Variants in ANKRD18B observed in about 807,000 individuals in gnomAD.
ANKRD18B encodes ankyrin repeat domain-containing protein 18B.
ANKRD18B carries 75 observed loss-of-function variants against 111.8 expected under a neutral mutation model. The ratio of observed to expected loss-of-function variants is 0.67; its 90% CI spans 0.56 to 0.81. The LOEUF is 0.81. ANKRD18B is among the 40% of genes least tolerant of loss of function. ANKRD18B has a pLI of 0.00. For synonymous variants in ANKRD18B, 356 were observed against 417.3 expected, an observed-to-expected ratio of 0.85 and a Z score of 1.79; for missense variants, 1,038 against 1,225.5, an observed-to-expected ratio of 0.85 and a Z score of 2.28.
intron 7 of ANKRD18B, 29 bp downstream of exon 7, chr9:33,539,531 T>C (rs1828249564): frequency 6.5e-6 from 1 of 154,990 alleles, no homozygotes; most frequent in African/African-American, 2.4e-5. Context: ...CTTTGTAGAG[T>C]TTATGAGCAG....
intron 10 of ANKRD18B, among the ~76,000 whole-genome samples, chr9:33,544,403 C>T (rs1203857400): frequency 6.6e-6 from 1 of 151,782 alleles, no homozygotes; most frequent in Admixed American, 6.6e-5. Flanking sequence ...AAACATGCAC[C>T]CTGTCAGAAA....
chr9:33,553,825 C>T, intron 12 of ANKRD18B, among the ~76,000 whole-genome samples: 1 of 152,064 alleles, frequency 6.6e-6, no homozygotes, highest in East Asian at 1.9e-4. Context: ...CATCTGTAAT[C>T]CCAACACTTT....
rs779582327 is a variant in ANKRD18B at position 33,567,034 on chromosome 9, G to T, written c.2743-69G>T. 2.3e-4 allele frequency: 334 copies of T among 1,433,732 alleles called. 1 individual carries two copies. Among genetic ancestry groups the T allele is most frequent in the South Asian group, 1.7e-3 (118 of 70,250 alleles). The allele number at this position is 1,433,732 out of a possible 1,614,324, so 88.8% of individuals were successfully genotyped here. On this transcript the variant is annotated intron_variant, in intron 15 of 18. Coordinates refer to ENST00000684830, the MANE Select transcript of ANKRD18B (RefSeq NM_001393611.1). Reference sequence around the variant, plus strand: ...GCTCTTTGAATCACTGATTCAAAATGAAAGGCAACAAACATATGGTAATTA... The same window carrying T: ...GCTCTTTGAATCACTGATTCAAAATTAAAGGCAACAAACATATGGTAATTA...
chr9:33,557,978 A>G, intron 13 of ANKRD18B, 80 bp from the exon 14 acceptor site: 2 of 1,295,570 alleles, frequency 1.5e-6, no homozygotes, highest in South Asian at 3.0e-5. Context: ...TTGATATGCC[A>G]TAACATAGTA....
chr9:33,535,495 G>A (rs1355991489), intron 5 of ANKRD18B, among the ~76,000 whole-genome samples: 1 of 151,612 alleles, frequency 6.6e-6, no homozygotes. Flanking sequence ...CACCATGTTA[G>A]CCAGGATGGT....
intron 13 of ANKRD18B, among the ~76,000 whole-genome samples, chr9:33,556,334 G>A (rs1255669962): frequency 2.0e-5 from 3 of 151,362 alleles, no homozygotes; most frequent in Non-Finnish European, 4.4e-5. Context: ...CGTGATCTTG[G>A]CTCACTGCAA....
rs1451582156 is a variant in ANKRD18B, at chr9:33,572,655, T to A, written c.*221T>A. The stretch of plus-strand genomic sequence containing the variant: ...GTTTGACCTACTCAAATTGCCTGAA[T>A]GTCAGCTGTTTAAACAGCCAAACAA... On this transcript the variant is annotated 3_prime_UTR_variant, in exon 19 of 19. Coordinates refer to ENST00000684830, the MANE Select transcript of ANKRD18B (RefSeq NM_001393611.1). The A allele has an allele frequency of 1.0e-5, 12 of 1,147,504 alleles. No homozygotes were observed. The highest frequency in any genetic ancestry group is 1.6e-5 in the African/African-American group (1 of 61,852). 71.1% of individuals were successfully genotyped at this position (1,147,504 alleles called of 1,614,324 possible).
Position 33,548,221 on chromosome 9 carries a change from A to T in ANKRD18B, c.1433A>T (p.Lys478Met). 1 of 1,550,982 alleles carries T rather than the reference A, an allele frequency of 6.4e-7. No homozygotes were observed. ...ENARLNSKLE[K>M]EKHNKERLEA... is the part of the protein sequence containing the mutation. ...GCAAGGCTGAATTCAAAATTGGAGA[A>T]GGAAAAACACAACAAAGAAAGACTA... is the stretch of plus-strand genomic sequence containing the variant. The change falls in exon 11 of 19, where the codon AAG becomes ATG. Residue 478 changes from lysine to methionine, a missense_variant. Coordinates refer to ENST00000684830, the MANE Select transcript of ANKRD18B (RefSeq NM_001393611.1).
At chr9:33,566,132 G>A (rs1828679139) in intron 14 of ANKRD18B, 87 bp from the exon 15 acceptor site, 5 of 1,145,708 alleles carry the variant, frequency 4.4e-6, no homozygotes, top group South Asian at 1.5e-5. Context: ...TATTGCAAGT[G>A]GATGCATTTC....
At chr9:33,530,475 C>T (rs1198863864) in intron 3 of ANKRD18B, among the ~76,000 whole-genome samples, 5 of 147,504 alleles carry the variant, frequency 3.4e-5, no homozygotes, top group South Asian at 4.3e-4. Context: ...GGTGAAACCC[C>T]GTCTCTACTA....
intron 12 of ANKRD18B, among the ~76,000 whole-genome samples, chr9:33,552,331 G>A (rs1187798022): frequency 6.6e-6 from 1 of 152,214 alleles, no homozygotes; most frequent in African/African-American, 2.4e-5. Flanking sequence ...ATGGTTGCCA[G>A]TTTGTCAGCT....
chr9:33,549,542 G>A (rs768360542), intron 11 of ANKRD18B, among the ~76,000 whole-genome samples: 11 of 152,252 alleles, frequency 7.2e-5, no homozygotes, highest in Non-Finnish European at 7.4e-5. Context: ...TAAGTGAGCC[G>A]CTTTGACACT....
chr9:33,550,648 T>C, intron 12 of ANKRD18B, 69 bp downstream of exon 12: 1 of 1,335,742 alleles, frequency 7.5e-7, no homozygotes, highest in Non-Finnish European at 9.7e-7. Flanking sequence ...CTAAGTGTCT[T>C]AGGATACTAA....
chr9:33,568,931 C>T (rs759364039), intron 17 of ANKRD18B, 38 bp downstream of exon 17: 13 of 1,466,606 alleles, frequency 8.9e-6, no homozygotes, highest in Non-Finnish European at 1.2e-5. Context: ...GGTTTCATTT[C>T]TCTAATATAA....
intron 14 of ANKRD18B, among the ~76,000 whole-genome samples, chr9:33,561,200 T>C (rs557357267): frequency 2.8e-4 from 42 of 152,322 alleles, no homozygotes; most frequent in African/African-American, 9.6e-4. Context: ...CTAACACTTA[T>C]TTTCTCTTTT....
intron 14 of ANKRD18B, among the ~76,000 whole-genome samples, chr9:33,562,783 A>G (rs933646806): frequency 6.6e-6 from 1 of 152,240 alleles, no homozygotes; most frequent in African/African-American, 2.4e-5. Flanking sequence ...TGTGAAGAGT[A>G]AAAGTCATTC....
At chr9:33,545,265 G>A (rs1296559139) in intron 10 of ANKRD18B, among the ~76,000 whole-genome samples, 1 of 152,102 alleles carries the variant, frequency 6.6e-6, no homozygotes, top group Non-Finnish European at 1.5e-5. Flanking sequence ...AAAAATTAAG[G>A]AACCCAGTAG....
downstream of ANKRD18B, among the ~76,000 whole-genome samples, chr9:33,574,187 G>A (rs1828825899): frequency 9.1e-6 from 1 of 109,810 alleles, no homozygotes; most frequent in Admixed American, 1.0e-4. Context: ...CAGGTCAGTG[G>A]GAAATTGGTC....
chr9:33,568,572 T>G, intron 16 of ANKRD18B, 99 bp from the exon 17 acceptor site: 1 of 1,065,674 alleles, frequency 9.4e-7, no homozygotes, highest in Non-Finnish European at 1.3e-6. Flanking sequence ...AATGGGTAAT[T>G]TGGTTTACTC....
Sources: gnomAD v4.1 joint callset for allele counts (sites outside exome capture counted in the v4.1 genomes callset) on GRCh38, gnomAD v4.1.1 for gene constraint, MANE v1.5 for transcripts, NCBI Gene and HGNC (gene_info 2026-07-23, HGNC 2026-07-21) for gene names.